The following DYNC1I1 variants were observed in gnomAD, a reference collection of about 807,000 sequenced individuals.
The protein encoded by DYNC1I1 is cytoplasmic dynein 1 intermediate chain 1.
DYNC1I1 carries 43 observed loss-of-function variants against 86.6 expected under a neutral mutation model. The observed-to-expected ratio is 0.50, with a 90% confidence interval of 0.39 to 0.64. The LOEUF (loss-of-function observed/expected upper bound fraction) is 0.64, where lower values mean the gene tolerates loss of function less well. Ranked by LOEUF, DYNC1I1 falls within the 30% of genes least tolerant of loss-of-function variation. The probability of loss-of-function intolerance (pLI) is 0.00; values close to 1 mark genes in which losing one functional copy is unlikely to be tolerated. For missense variants in DYNC1I1, 604 were observed against 788.8 expected (o/e 0.77, Z 2.81); for synonymous variants, 262 against 283.7 (o/e 0.92, Z 0.77).
chr7:96,085,181 C>T (rs1050848423), intron 16 of DYNC1I1, among the ~76,000 whole-genome samples: 1 of 152,160 alleles, frequency 6.6e-6, no homozygotes. Flanking sequence ...CAGCTCAGTA[C>T]CCCCATGACC....
chr7:95,775,067 C>T (rs1183112082), intron 1 of DYNC1I1, among the ~76,000 whole-genome samples: 1 of 152,220 alleles, frequency 6.6e-6, no homozygotes, highest in East Asian at 1.9e-4. Flanking sequence ...AATACTTTCA[C>T]AGGTGTTAAC....
chr7:96,035,674 C>A lies in DYNC1I1; in HGVS notation c.1286C>A (p.Ala429Asp). The change falls in exon 13 of 17, where the codon GCT (alanine) becomes GAT (aspartate). Residue 429 changes from alanine to aspartate, a missense_variant. Physicochemically the swap from Ala to Asp is moderately radical, Grantham distance 126 (BLOSUM62 -2). Coordinates refer to ENST00000447467, the MANE Select transcript of DYNC1I1 (RefSeq NM_001135556.2). ...KSKPVAVTGMAFPTGDVNNFV... is the reference protein window; with the variant it reads ...KSKPVAVTGMDFPTGDVNNFV... Reference sequence around the variant, plus strand: ...AAGCCTGTCGCTGTTACCGGAATGGCTTTCCCAACGGGAGACGTCAATAAC... The same window carrying A: ...AAGCCTGTCGCTGTTACCGGAATGGATTTCCCAACGGGAGACGTCAATAAC... 6.2e-7 allele frequency: 1 copy of A among 1,611,748 alleles called. No homozygotes were observed. Among genetic ancestry groups the A allele is most frequent in the Non-Finnish European group, 8.5e-7 (1 of 1,178,970 alleles).
chr7:95,941,961 A>C (rs1394733116), intron 6 of DYNC1I1, among the ~76,000 whole-genome samples: 1 of 152,188 alleles, frequency 6.6e-6, no homozygotes, highest in Non-Finnish European at 1.5e-5. Flanking sequence ...AATTAAAAGA[A>C]CTAGAAAAGC....
At chr7:95,905,719 A>G (rs1791159768) in intron 6 of DYNC1I1, among the ~76,000 whole-genome samples, 1 of 150,312 alleles carries the variant, frequency 6.7e-6, no homozygotes. Flanking sequence ...TTTTTCATAG[A>G]TGGCATTTCA....
chr7:95,907,703 C>T (rs781372224), intron 6 of DYNC1I1, among the ~76,000 whole-genome samples: 10 of 151,778 alleles, frequency 6.6e-5, no homozygotes, highest in Non-Finnish European at 8.8e-5. Flanking sequence ...AGGACTGTAT[C>T]GGTTCATTTG....
chr7:95,828,186 G>A (rs1584258088), intron 5 of DYNC1I1, 70 bp downstream of exon 5: 2 of 1,556,140 alleles, frequency 1.3e-6, no homozygotes, highest in East Asian at 2.2e-5. Flanking sequence ...TGCTGGAGCT[G>A]TTGTTGCTCT....
At chr7:95,983,510 G>A (rs182720842) in intron 7 of DYNC1I1, among the ~76,000 whole-genome samples, 3 of 152,066 alleles carry the variant, frequency 2.0e-5, no homozygotes, top group Non-Finnish European at 4.4e-5. Flanking sequence ...CATGGTCTGG[G>A]GCAGGGAAGG....
intron 6 of DYNC1I1, among the ~76,000 whole-genome samples, chr7:95,882,852 A>G (rs1295413953): frequency 6.6e-6 from 1 of 152,216 alleles, no homozygotes; most frequent in Non-Finnish European, 1.5e-5. Context: ...TATTTGGGTA[A>G]GAAAATGAAA....
intron 6 of DYNC1I1, among the ~76,000 whole-genome samples, chr7:95,938,511 G>T (rs962902831): frequency 6.6e-6 from 1 of 152,126 alleles, no homozygotes; most frequent in South Asian, 2.1e-4. Context: ...TCTTTTTATT[G>T]TAATATCCTC....
chr7:96,031,144 C>CT (rs1056563372), intron 11 of DYNC1I1, among the ~76,000 whole-genome samples: 2 of 152,136 alleles, frequency 1.3e-5, no homozygotes, highest in African/African-American at 4.8e-5. Context: ...TAATTCAATG[C>CT]TACCCAGGTT....
intron 6 of DYNC1I1, among the ~76,000 whole-genome samples, chr7:95,923,727 T>C (rs1791670425): frequency 6.6e-6 from 1 of 152,176 alleles, no homozygotes; most frequent in Admixed American, 6.6e-5. Context: ...AACTTTCCCA[T>C]AATATTTGTT....
intron 6 of DYNC1I1, among the ~76,000 whole-genome samples, chr7:95,911,085 A>G (rs1791322329): frequency 6.6e-6 from 1 of 152,192 alleles, no homozygotes; most frequent in Non-Finnish European, 1.5e-5. Flanking sequence ...TTCTCACTCA[A>G]GTGTGGGGAT....
intron 7 of DYNC1I1, among the ~76,000 whole-genome samples, chr7:95,978,042 C>T (rs1378264817): frequency 6.6e-6 from 1 of 152,166 alleles, no homozygotes; most frequent in African/African-American, 2.4e-5. Context: ...AATTTTTCTT[C>T]TGCAACTCTG....
intron 1 of DYNC1I1, among the ~76,000 whole-genome samples, chr7:95,782,726 G>A (rs1228007076): frequency 1.3e-5 from 2 of 152,168 alleles, no homozygotes; most frequent in African/African-American, 2.4e-5. Context: ...GAAGAATCAG[G>A]TCACACATGG....
downstream of DYNC1I1, among the ~76,000 whole-genome samples, chr7:96,100,945 T>A (rs1312958258): frequency 6.6e-6 from 1 of 152,188 alleles, no homozygotes; most frequent in African/African-American, 2.4e-5. Context: ...CCATTTGCAA[T>A]GAGCTGGTGA....
intron 8 of DYNC1I1, among the ~76,000 whole-genome samples, chr7:95,986,143 C>T (rs1793587691): frequency 6.6e-6 from 1 of 150,954 alleles, no homozygotes; most frequent in Non-Finnish European, 1.5e-5. Flanking sequence ...TAATTAGAGC[C>T]CAAATAACTT....
intron 4 of DYNC1I1, among the ~76,000 whole-genome samples, chr7:95,817,046 T>C (rs1268375044): frequency 2.6e-5 from 4 of 152,052 alleles, no homozygotes; most frequent in African/African-American, 9.7e-5. Flanking sequence ...GGTGAATTCC[T>C]TGAAAGTAGG....
At chr7:96,063,966 G>A (rs570034759) in intron 14 of DYNC1I1, among the ~76,000 whole-genome samples, 6 of 152,190 alleles carry the variant, frequency 3.9e-5, no homozygotes, top group African/African-American at 1.2e-4. Context: ...CATGGATGTC[G>A]AGGGAAAGCA....
intron 15 of DYNC1I1, among the ~76,000 whole-genome samples, chr7:96,076,835 T>C (rs1790355603): frequency 6.6e-6 from 1 of 152,214 alleles, no homozygotes. Flanking sequence ...CAAGTGAAAA[T>C]ACCCATTTAT....
Sources: allele counts gnomAD v4.1 joint callset (sites outside exome capture counted in the v4.1 genomes callset), GRCh38; gene constraint gnomAD v4.1.1; transcripts MANE v1.5; gene names NCBI Gene and HGNC (gene_info 2026-07-23, HGNC 2026-07-21).